Variants in EAPP observed in about 807,000 individuals in gnomAD.
EAPP encodes the protein E2F associated phosphoprotein, also known as E2F-associated phosphoprotein.
A neutral mutation model predicts 34.3 loss-of-function variants in EAPP; 38 were observed. The ratio of observed to expected loss-of-function variants is 1.11; its 90% confidence interval spans 0.85 to 1.45. EAPP has a LOEUF of 1.45. Among genes scored for constraint, EAPP ranks in the 40% most tolerant of loss-of-function variants. The pLI, the probability that EAPP is intolerant of heterozygous loss-of-function variation, is 0.00. For missense variants in EAPP, 338 were observed against 343.7 expected, an observed-to-expected ratio of 0.98 and a Z score of 0.13; for synonymous variants, 113 against 117.6, an observed-to-expected ratio of 0.96 and a Z score of 0.25.
At chr14:34,519,765 T>A (rs932776263) in intron 5 of EAPP, among the ~76,000 whole-genome samples, 4 of 152,150 alleles carry the variant, frequency 2.6e-5, no homozygotes, top group African/African-American at 9.7e-5. Flanking sequence ...TGATTTTCTC[T>A]GGTAGTATGT....
intron 1 of EAPP, among the ~76,000 whole-genome samples, chr14:34,538,663 C>T (rs1379428463): frequency 6.6e-6 from 1 of 151,634 alleles, no homozygotes; most frequent in Non-Finnish European, 1.5e-5. Context: ...GAGATTCTCT[C>T]GCCTCAGACT....
At chr14:34,528,415 CTTTTTTTTTT>C (rs1180289298) in intron 4 of EAPP, among the ~76,000 whole-genome samples, 1 of 54,050 alleles carries the variant, frequency 1.9e-5, no homozygotes, top group Non-Finnish European at 3.3e-5. Flanking sequence ...CCACAAAACC[CTTTTTTTTTT>C]TTTTTTTTTT....
Position 34,539,604 on chromosome 14 carries a change from C to G in EAPP, c.25G>C (p.Asp9His), listed in dbSNP as rs1362754688. The change falls in exon 1 of 6, where the codon GAC (aspartate) becomes CAC (histidine). Residue 9 changes from aspartate to histidine, a missense_variant. Coordinates refer to ENST00000250454, the MANE Select transcript of EAPP (RefSeq NM_018453.4). MNRLPDDY[D>H]PYAVEEPSDE... ...CTAGGCTCTTCAACCGCGTAGGGGT[C>G]GTAGTCATCCGGAAGCCGGTTCATG... is the stretch of plus-strand genomic sequence containing the variant. 6.3e-7 allele frequency: 1 copy of G among 1,582,742 alleles called. No homozygotes were observed. Among genetic ancestry groups the G allele is most frequent in the Admixed American group, 1.8e-5 (1 of 56,032 alleles).
intron 5 of EAPP, among the ~76,000 whole-genome samples, chr14:34,517,703 G>A (rs997314791): frequency 6.6e-6 from 1 of 150,716 alleles, no homozygotes; most frequent in African/African-American, 2.4e-5. Context: ...TGTTTGTTTG[G>A]GTTTTTTGGG....
At chr14:34,527,842 T>C (rs184107146) in intron 4 of EAPP, among the ~76,000 whole-genome samples, 64 of 152,228 alleles carry the variant, frequency 4.2e-4, no homozygotes, top group African/African-American at 1.4e-3. Flanking sequence ...GTACAGCGTT[T>C]CCTTTTGGGA....
chr14:34,524,767 G>A lies in EAPP; in HGVS notation c.511C>T (p.Pro171Ser), dbSNP rs757088607. 2 of 1,612,158 alleles carry A rather than the reference G, an allele frequency of 1.2e-6. No individual in the cohort carries two copies. Among genetic ancestry groups the A allele is most frequent in the Non-Finnish European group, 1.7e-6 (2 of 1,179,284 alleles). Residue 171 changes from proline (P) to serine (S), a missense_variant, in exon 5 of 6, where the codon CCT becomes TCT. Pro to Ser is a moderately conservative substitution (Grantham distance 74). Transcript: ENST00000250454. ...AAGACAGCATCACTATTTGGAACAGGCTGTTGTTGACGTGATCTCTGTGGT... is the reference window on the plus strand; with the variant it reads ...AAGACAGCATCACTATTTGGAACAGACTGTTGTTGACGTGATCTCTGTGGT... ...LGPQRSRQQQ[P>S]VPNSDAVLNC...
chr14:34,516,431 G>C lies in EAPP; in HGVS notation c.737C>G (p.Ala246Gly). Reference sequence around the variant, plus strand: ...ATAGATTTCTTCCACATCTGTCTCTGCCTTCTCGGCAGCATCTTCCCGGTT... The same window carrying C: ...ATAGATTTCTTCCACATCTGTCTCTCCCTTCTCGGCAGCATCTTCCCGGTT... ...RSNREDAAEK[A>G]ETDVEEIYHP... The change falls in exon 6 of 6, where the codon GCA becomes GGA. Residue 246 changes from alanine to glycine, a missense_variant. Ala to Gly is a moderately conservative substitution (Grantham distance 60). Coordinates refer to ENST00000250454, the MANE Select transcript of EAPP (RefSeq NM_018453.4). 1 of 1,614,130 alleles carries C rather than the reference G, an allele frequency of 6.2e-7. No homozygotes were observed. Among genetic ancestry groups the C allele is most frequent in the Non-Finnish European group, 8.5e-7 (1 of 1,180,020 alleles).
chr14:34,539,056 T>A (rs1206053337), intron 1 of EAPP, among the ~76,000 whole-genome samples: 1 of 152,158 alleles, frequency 6.6e-6, no homozygotes, highest in Non-Finnish European at 1.5e-5. Context: ...ACAGTCCCTG[T>A]CAAAAAATAA....
chr14:34,528,461 G>A (rs1237620974), intron 4 of EAPP, among the ~76,000 whole-genome samples: 5 of 115,404 alleles, frequency 4.3e-5, no homozygotes, highest in South Asian at 2.7e-4. Context: ...TCATTCTGTC[G>A]TCCAGGCTGG....
chr14:34,519,471 G>A, intron 5 of EAPP, among the ~76,000 whole-genome samples: 1 of 151,508 alleles, frequency 6.6e-6, no homozygotes, highest in East Asian at 1.9e-4. Flanking sequence ...GGTGGTGGAG[G>A]TTGCAGTGAG....
chr14:34,537,172 G>C (rs1316255160), intron 1 of EAPP, among the ~76,000 whole-genome samples: 1 of 152,034 alleles, frequency 6.6e-6, no homozygotes, highest in Non-Finnish European at 1.5e-5. Context: ...CACCATACCA[G>C]CTAATTTTTT....
intron 5 of EAPP, among the ~76,000 whole-genome samples, chr14:34,521,119 A>G (rs745336206): frequency 1.3e-5 from 2 of 152,094 alleles, no homozygotes; most frequent in Non-Finnish European, 2.9e-5. Flanking sequence ...CCCAGGCTGT[A>G]GTGCAATGGT....
At chr14:34,520,542 C>T (rs1434415070) in intron 5 of EAPP, among the ~76,000 whole-genome samples, 2 of 151,924 alleles carry the variant, frequency 1.3e-5, no homozygotes, top group East Asian at 1.9e-4. Context: ...CACTCTGTCC[C>T]CCAGGCTGGA....
chr14:34,530,918 A>AG (rs1326535140), intron 3 of EAPP, among the ~76,000 whole-genome samples: 1 of 150,566 alleles, frequency 6.6e-6, no homozygotes, highest in African/African-American at 2.4e-5. Context: ...AAAAAAAAAA[A>AG]AAAAAAAAGA....
At position 34,524,022 on chromosome 14, in the gene EAPP, G is replaced by A. The variant is rs528265311; in HGVS notation, c.581+675C>T. The stretch of plus-strand genomic sequence containing the variant: ...TGTAATCCCAGCACTTTGGGAGGCC[G>A]AGGTGGGCAGATCACTTGAGGTCAG... On this transcript the variant is annotated intron_variant, in intron 5 of 5. Coordinates refer to ENST00000250454, the MANE Select transcript of EAPP (RefSeq NM_018453.4). 4.2e-4 allele frequency among the ~76,000 whole-genome samples: 63 copies of A among 151,788 alleles called. 1 individual carries two copies. The highest frequency in any genetic ancestry group is 3.5e-3 in the South Asian group (17 of 4,798).
At chr14:34,520,305 G>T (rs1056384950) in intron 5 of EAPP, among the ~76,000 whole-genome samples, 1 of 151,892 alleles carries the variant, frequency 6.6e-6, no homozygotes, top group African/African-American at 2.4e-5. Flanking sequence ...CACCTCCTTG[G>T]TTCAAGCAAT....
At chr14:34,525,795 G>A (rs1160521756) in intron 4 of EAPP, among the ~76,000 whole-genome samples, 3 of 151,994 alleles carry the variant, frequency 2.0e-5, no homozygotes, top group African/African-American at 7.2e-5. Context: ...CGAGGCGGGC[G>A]GATCACGAAG....
intron 1 of EAPP, among the ~76,000 whole-genome samples, chr14:34,536,791 G>A (rs972495816): frequency 6.6e-6 from 1 of 151,874 alleles, no homozygotes; most frequent in Non-Finnish European, 1.5e-5. Context: ...TCTGCTCACC[G>A]CAACCTCCAC....
intron 3 of EAPP, among the ~76,000 whole-genome samples, 190 bp downstream of exon 3, chr14:34,533,254 T>G (rs1880354806): frequency 6.6e-6 from 1 of 150,584 alleles, no homozygotes; most frequent in Admixed American, 6.6e-5. Flanking sequence ...AGGCTGGTCT[T>G]AAACTCCCAA....
Sources: allele counts gnomAD v4.1 joint callset (sites outside exome capture counted in the v4.1 genomes callset), GRCh38; gene constraint gnomAD v4.1.1; transcripts MANE v1.5; gene names NCBI Gene and HGNC (gene_info 2026-07-23, HGNC 2026-07-21).